SRGAP1: variants seen among roughly 807,000 people sequenced by gnomAD.
SRGAP1 encodes SLIT-ROBO Rho GTPase-activating protein 1.
A neutral mutation model predicts 121.9 loss-of-function variants in SRGAP1; 43 were observed. That is an observed-to-expected ratio of 0.35 (90% CI 0.28 to 0.46). The LOEUF (loss-of-function observed/expected upper bound fraction) is 0.46, where lower values mean the gene tolerates loss of function less well. SRGAP1 is among the 20% of genes least tolerant of loss of function. SRGAP1 has a pLI of 1.00. For missense variants in SRGAP1, 1,102 were observed against 1,350.9 expected (o/e 0.82, Z 2.89); for synonymous variants, 447 against 485.4 (o/e 0.92, Z 1.04).
intron 6 of SRGAP1, among the ~76,000 whole-genome samples, chr12:64,052,765 A>G (rs926060558): frequency 6.6e-6 from 1 of 152,184 alleles, no homozygotes; most frequent in African/African-American, 2.4e-5. Flanking sequence ...TATGCATTAT[A>G]TACTTTTAAT....
intron 10 of SRGAP1, among the ~76,000 whole-genome samples, chr12:64,084,816 T>C (rs1232376537): frequency 2.0e-5 from 3 of 152,154 alleles, no homozygotes; most frequent in Admixed American, 2.0e-4. Context: ...GGAATTCTCA[T>C]TGGCATCATT....
At chr12:63,868,067 T>TTG (rs1899712347) in intron 1 of SRGAP1, among the ~76,000 whole-genome samples, 1 of 101,050 alleles carries the variant, frequency 9.9e-6, no homozygotes, top group Non-Finnish European at 1.9e-5. Flanking sequence ...TTTTTTTTTT[T>TTG]TTTTTTTTTT....
At chr12:64,139,860 T>C (rs2036928658) in intron 21 of SRGAP1, among the ~76,000 whole-genome samples, 1 of 152,104 alleles carries the variant, frequency 6.6e-6, no homozygotes, top group Admixed American at 6.5e-5. Flanking sequence ...TCTTCTAGGG[T>C]TTTTATGGTT....
At chr12:63,957,639 A>T (rs193290160) in intron 1 of SRGAP1, among the ~76,000 whole-genome samples, 186 of 152,274 alleles carry the variant, frequency 1.2e-3, no homozygotes, top group Admixed American at 2.2e-3. Flanking sequence ...TCCAAATTTC[A>T]TATTGAAAAA....
intron 4 of SRGAP1, among the ~76,000 whole-genome samples, chr12:64,033,410 A>G (rs1048570067): frequency 2.6e-5 from 4 of 152,066 alleles, no homozygotes; most frequent in Admixed American, 1.3e-4. Flanking sequence ...ACCTTGGTCT[A>G]TTTGCTCATT....
intron 19 of SRGAP1, among the ~76,000 whole-genome samples, chr12:64,127,009 T>TTGC (rs1207388183): frequency 6.6e-6 from 1 of 152,212 alleles, no homozygotes; most frequent in African/African-American, 2.4e-5. Context: ...CGCAAATACT[T>TTGC]GTTTACACCA....
chr12:64,016,478 C>A (rs1255540673), intron 3 of SRGAP1, among the ~76,000 whole-genome samples: 2 of 152,062 alleles, frequency 1.3e-5, no homozygotes, highest in Admixed American at 6.6e-5. Flanking sequence ...CAGAGCGAGA[C>A]CCTGTCTCCA....
chr12:64,132,537 G>C (rs1427585087), intron 21 of SRGAP1, among the ~76,000 whole-genome samples: 8 of 152,172 alleles, frequency 5.3e-5, no homozygotes. Context: ...TTGCAGGAGG[G>C]GCCAAACGCA....
chr12:64,027,391 AAGAGAGGGGTCCATGTTG>A (rs1361497381), intron 4 of SRGAP1, among the ~76,000 whole-genome samples: 1 of 152,022 alleles, frequency 6.6e-6, no homozygotes, highest in African/African-American at 2.4e-5. Flanking sequence ...TGGAGATCCA[AAGAGAGGGGTCCATGTTG>A]AGGACTGAGA....
At chr12:63,870,256 C>T (rs1253434566) in intron 1 of SRGAP1, among the ~76,000 whole-genome samples, 1 of 151,960 alleles carries the variant, frequency 6.6e-6, no homozygotes, top group African/African-American at 2.4e-5. Context: ...GATGAGGAGA[C>T]TCATGGTGGA....
intron 21 of SRGAP1, among the ~76,000 whole-genome samples, chr12:64,135,593 G>C (rs1010963929): frequency 6.6e-6 from 1 of 152,118 alleles, no homozygotes; most frequent in Non-Finnish European, 1.5e-5. Context: ...CACGAGCGAT[G>C]AATCAGGAGT....
chr12:63,870,657 A>G (rs1266777869), intron 1 of SRGAP1, among the ~76,000 whole-genome samples: 1 of 150,866 alleles, frequency 6.6e-6, no homozygotes, highest in Non-Finnish European at 1.5e-5. Flanking sequence ...CTCCTGCGTC[A>G]ACCTCCTGAG....
intron 21 of SRGAP1, among the ~76,000 whole-genome samples, chr12:64,141,031 C>T (rs897635279): frequency 3.2e-5 from 4 of 126,436 alleles, no homozygotes; most frequent in South Asian, 5.7e-4. Context: ...AACAAAAAAC[C>T]AAACACCGCA....
intron 1 of SRGAP1, among the ~76,000 whole-genome samples, chr12:63,854,123 A>G (rs987903356): frequency 2.0e-5 from 3 of 152,198 alleles, no homozygotes; most frequent in Admixed American, 6.5e-5. Flanking sequence ...CAGGTTAAGA[A>G]AGAAACATTA....
At chr12:64,013,705 G>C (rs537731445) in intron 3 of SRGAP1, among the ~76,000 whole-genome samples, 1 of 152,266 alleles carries the variant, frequency 6.6e-6, no homozygotes, top group Non-Finnish European at 1.5e-5. Context: ...AGTTTCCTAA[G>C]GGATGTTTCA....
At chr12:63,940,195 C>T (rs1291347264) in intron 1 of SRGAP1, among the ~76,000 whole-genome samples, 1 of 151,854 alleles carries the variant, frequency 6.6e-6, no homozygotes, top group African/African-American at 2.4e-5. Flanking sequence ...CTCCTGAGCT[C>T]AAGTGATCCA....
intron 1 of SRGAP1, among the ~76,000 whole-genome samples, chr12:63,926,204 A>G (rs2031254294): frequency 6.6e-6 from 1 of 152,186 alleles, no homozygotes; most frequent in Non-Finnish European, 1.5e-5. Flanking sequence ...GGATGTTCCA[A>G]AATTACCCTT....
At chr12:64,117,800 G>C (rs1279875324) in intron 18 of SRGAP1, among the ~76,000 whole-genome samples, 1 of 152,064 alleles carries the variant, frequency 6.6e-6, no homozygotes, top group Non-Finnish European at 1.5e-5. Flanking sequence ...TCCACCCTTT[G>C]ATTCTATGAA....
At chr12:64,057,074 A>G (rs534321587) in intron 6 of SRGAP1, among the ~76,000 whole-genome samples, 1 of 152,272 alleles carries the variant, frequency 6.6e-6, no homozygotes, top group South Asian at 2.1e-4. Flanking sequence ...CTCTGAAGGA[A>G]ATGATTGTCC....
Sources: allele counts gnomAD v4.1 joint callset (sites outside exome capture counted in the v4.1 genomes callset), GRCh38; gene constraint gnomAD v4.1.1; transcripts MANE v1.5; gene names NCBI Gene and HGNC (gene_info 2026-07-23, HGNC 2026-07-21).